Variants in RAD51B observed in about 807,000 individuals in gnomAD.
The protein encoded by RAD51B is DNA repair protein RAD51 homolog 2.
Under a neutral mutation model 42.2 loss-of-function variants are expected in RAD51B, and 38 were observed. The ratio of observed to expected loss-of-function variants is 0.90; its 90% CI spans 0.70 to 1.18. The LOEUF is 1.18. RAD51B is among the 50% of genes most tolerant of loss of function. The pLI is 0.00. For synonymous variants in RAD51B, 154 were observed against 145.2 expected (o/e 1.06, Z -0.43); for missense variants, 373 against 400.7 (o/e 0.93, Z 0.59).
At position 68,629,692 on chromosome 14, in the gene RAD51B, T is replaced by C. The variant is rs562380534; in HGVS notation, c.1037-21089T>C. Among the ~76,000 whole-genome samples, 55 of 152,130 alleles carry C rather than the reference T, an allele frequency of 3.6e-4. 2 individuals carry two copies. The South Asian group carries it at 0.011, about 32-fold the overall frequency. On this transcript the variant is annotated intron_variant, in intron 10 of 11. Coordinates refer to the RAD51B transcript ENST00000488612. Reference sequence around the variant, plus strand: ...TGAGGCCTGACTGGGAGCCCAGGAGTCCTCCTTCTGTGGTAGTTTGTTATA... The same window carrying C: ...TGAGGCCTGACTGGGAGCCCAGGAGCCCTCCTTCTGTGGTAGTTTGTTATA...
At chr14:68,502,932 C>T (rs1412593732) in intron 10 of RAD51B, among the ~76,000 whole-genome samples, 2 of 152,152 alleles carry the variant, frequency 1.3e-5, no homozygotes, top group South Asian at 2.1e-4. Flanking sequence ...AGGCTAGATC[C>T]AGGGTGATGT....
At chr14:68,432,648 T>G (rs2085041017) in intron 9 of RAD51B, among the ~76,000 whole-genome samples, 1 of 152,230 alleles carries the variant, frequency 6.6e-6, no homozygotes, top group Non-Finnish European at 1.5e-5. Flanking sequence ...TGTGTGTCTC[T>G]GCATGTGAGA....
rs919889042 is a variant in RAD51B at position 68,413,641 on chromosome 14, T to G, written c.957+2114T>G. On this transcript the variant is annotated intron_variant, in intron 9 of 10. Coordinates refer to ENST00000471583, the MANE Select transcript of RAD51B (RefSeq NM_133510.4). ...TAAAGTTTGATATAGAAAAAACATG[T>G]CTCTGTCTAGTGACCTTATCTTGCC... 2.6e-5 allele frequency among the ~76,000 whole-genome samples: 4 copies of G among 152,326 alleles called. No homozygotes were observed. The East Asian group carries it at 7.7e-4, about 29-fold the overall frequency.
At chr14:68,165,611 C>G (rs1361646875) in intron 7 of RAD51B, among the ~76,000 whole-genome samples, 1 of 152,104 alleles carries the variant, frequency 6.6e-6, no homozygotes, top group Non-Finnish European at 1.5e-5. Context: ...CTCATTATTT[C>G]ACACTAGCCA....
intron 7 of RAD51B, among the ~76,000 whole-genome samples, chr14:68,060,854 T>C (rs910117308): frequency 6.6e-6 from 1 of 152,178 alleles, no homozygotes; most frequent in Non-Finnish European, 1.5e-5. Context: ...CAATGTGTGT[T>C]TTTAGTGCCT....
intron 9 of RAD51B, among the ~76,000 whole-genome samples, chr14:68,431,361 G>T (rs1433060415): frequency 6.6e-6 from 1 of 152,168 alleles, no homozygotes; most frequent in Non-Finnish European, 1.5e-5. Flanking sequence ...GTAGAATTCG[G>T]CTGTGAATCC....
downstream of RAD51B, among the ~76,000 whole-genome samples, chr14:68,612,399 C>A (rs776984775): frequency 3.3e-5 from 5 of 152,214 alleles, no homozygotes; most frequent in Non-Finnish European, 7.3e-5. Flanking sequence ...TGTTTGCACT[C>A]CAGAATCTGC....
At chr14:68,121,907 T>A (rs1228104468) in intron 7 of RAD51B, among the ~76,000 whole-genome samples, 1 of 151,812 alleles carries the variant, frequency 6.6e-6, no homozygotes, top group African/African-American at 2.4e-5. Context: ...AAATGGGACA[T>A]CCAAAAATAA....
chr14:68,488,756 C>G (rs1265664726), intron 10 of RAD51B, among the ~76,000 whole-genome samples: 1 of 152,180 alleles, frequency 6.6e-6, no homozygotes, highest in Non-Finnish European at 1.5e-5. Context: ...GGCTGCAAAA[C>G]CCCATTGCAG....
intron 7 of RAD51B, among the ~76,000 whole-genome samples, chr14:68,014,218 A>G (rs1186418898): frequency 7.6e-6 from 1 of 130,762 alleles, no homozygotes; most frequent in African/African-American, 2.9e-5. Flanking sequence ...TTTTTTTCCC[A>G]TTAACAGTTG....
Position 68,565,769 on chromosome 14 carries a change from T to C in RAD51B, c.1037-28716T>C, listed in dbSNP as rs1190782887. ...TTTCATGAAATACTTAACATCTTCATGTCAATATTATCTTATAAAACACTG... is the reference window on the plus strand; with the variant it reads ...TTTCATGAAATACTTAACATCTTCACGTCAATATTATCTTATAAAACACTG... On this transcript the variant is annotated intron_variant, in intron 10 of 10. Coordinates refer to the RAD51B transcript ENST00000487270. This position sits in a 1 kb window ranked among gnomAD's most constrained non-coding sequence, Gnocchi z 4.1. Among the ~76,000 whole-genome samples, 2 of 152,228 alleles carry C rather than the reference T, an allele frequency of 1.3e-5. No homozygotes were observed. Among genetic ancestry groups the C allele is most frequent in the East Asian group, 3.8e-4 (2 of 5,204 alleles).
chr14:67,895,526 C>A (rs1425312344), intron 7 of RAD51B, among the ~76,000 whole-genome samples: 1 of 152,162 alleles, frequency 6.6e-6, no homozygotes, highest in Non-Finnish European at 1.5e-5. Flanking sequence ...CTGATCACAT[C>A]CCTCCTATGC....
chr14:68,050,695 A>G (rs2076378389), intron 7 of RAD51B, among the ~76,000 whole-genome samples: 1 of 152,066 alleles, frequency 6.6e-6, no homozygotes, highest in Non-Finnish European at 1.5e-5. Context: ...AAGGAAGTTT[A>G]CCTGCCCTCT....
At chr14:68,328,121 C>T (rs144731292) in intron 8 of RAD51B, among the ~76,000 whole-genome samples, 1 of 152,244 alleles carries the variant, frequency 6.6e-6, no homozygotes, top group East Asian at 1.9e-4. Context: ...GCCTGTTTTA[C>T]TAAGCTGCCC....
chr14:68,461,814 A>G (rs564375550), intron 9 of RAD51B, among the ~76,000 whole-genome samples: 25 of 152,346 alleles, frequency 1.6e-4, no homozygotes, highest in South Asian at 1.4e-3. Flanking sequence ...GGGACATAAA[A>G]GAAGGAGGAG....
chr14:68,534,302 C>T (rs963426195), intron 10 of RAD51B, among the ~76,000 whole-genome samples: 5 of 151,898 alleles, frequency 3.3e-5, no homozygotes, highest in South Asian at 2.1e-4. Flanking sequence ...TCACCAAGAA[C>T]GATGACAAAA....
intron 7 of RAD51B, among the ~76,000 whole-genome samples, chr14:68,209,790 C>A (rs572569354): frequency 2.0e-5 from 3 of 152,008 alleles, no homozygotes; most frequent in Non-Finnish European, 2.9e-5. Flanking sequence ...AGTGATAATT[C>A]TTTTATTGTA....
At chr14:67,859,524 C>T (rs1235856624) in intron 4 of RAD51B, among the ~76,000 whole-genome samples, 1 of 152,146 alleles carries the variant, frequency 6.6e-6, no homozygotes, top group African/African-American at 2.4e-5. Flanking sequence ...GAAACACTTT[C>T]TGATATTTTA....
At chr14:68,294,825 T>C (rs2139670551) in intron 8 of RAD51B, among the ~76,000 whole-genome samples, 2 of 152,328 alleles carry the variant, frequency 1.3e-5, no homozygotes, top group Admixed American at 1.3e-4. Context: ...TGCAGGAGCC[T>C]TTCCTCCCTG....
Sources: allele counts gnomAD v4.1 joint callset (sites outside exome capture counted in the v4.1 genomes callset), GRCh38; gene constraint gnomAD v4.1.1; non-coding constraint Gnocchi (gnomAD v3.1); transcripts MANE v1.5; gene names NCBI Gene and HGNC (gene_info 2026-07-23, HGNC 2026-07-21).